TMEM63B: variants seen among roughly 807,000 people sequenced by gnomAD.
TMEM63B encodes the protein mechanosensitive cation channel TMEM63B.
A neutral mutation model predicts 102.6 loss-of-function variants in TMEM63B; 23 were observed. The ratio of observed to expected loss-of-function variants is 0.22; its 90% CI spans 0.16 to 0.32. The LOEUF (loss-of-function observed/expected upper bound fraction) is 0.32, where lower values mean the gene tolerates loss of function less well. TMEM63B is among the 10% of genes least tolerant of loss of function. The probability of loss-of-function intolerance (pLI) is 1.00; values close to 1 mark genes in which losing one functional copy is unlikely to be tolerated. For missense variants in TMEM63B, 628 were observed against 1,095.9 expected, an observed-to-expected ratio of 0.57 and a Z score of 6.03; for synonymous variants, 444 against 437.0, an observed-to-expected ratio of 1.02 and a Z score of -0.20.
chr6:44,140,923 C>A, intron 9 of TMEM63B, 105 bp from the exon 10 acceptor site: 1 of 966,372 alleles, frequency 1.0e-6, no homozygotes, highest in Non-Finnish European at 1.6e-6. Context: ...TACTTCTCTA[C>A]CCACTCAAAA....
At chr6:44,132,669 C>G (rs758142493) in intron 1 of TMEM63B, among the ~76,000 whole-genome samples, 2 of 152,272 alleles carry the variant, frequency 1.3e-5, no homozygotes, top group African/African-American at 4.8e-5. Context: ...TTCACACCCC[C>G]ACTTCGAAGC....
intron 10 of TMEM63B, among the ~76,000 whole-genome samples, chr6:44,144,252 G>T (rs547538742): frequency 6.6e-6 from 1 of 152,322 alleles, no homozygotes; most frequent in East Asian, 1.9e-4. Flanking sequence ...TCAGGATTAG[G>T]CAGGGCTTGT....
intron 1 of TMEM63B, among the ~76,000 whole-genome samples, chr6:44,128,471 C>T (rs1295427438): frequency 6.6e-6 from 1 of 152,238 alleles, no homozygotes; most frequent in Admixed American, 6.5e-5. Context: ...CCGCCTAAGG[C>T]GGACAGTCCC....
At chr6:44,128,996 A>T (rs940268617) in intron 1 of TMEM63B, among the ~76,000 whole-genome samples, 3 of 152,256 alleles carry the variant, frequency 2.0e-5, no homozygotes, top group African/African-American at 7.2e-5. Flanking sequence ...CAAGTATAGC[A>T]GAGTCTTAGA....
In TMEM63B at chr6:44,136,415, C is replaced by T. The variant is rs143570588; in HGVS notation, c.345C>T (p.Ser115=). 6.6e-5 allele frequency: 106 copies of T among 1,613,940 alleles called. No individual in the cohort carries two copies. Among genetic ancestry groups the T allele is most frequent in the African/African-American group, 3.1e-4 (23 of 74,920 alleles). Residue 115 remains serine, a synonymous_variant, in exon 5 of 24, where the codon TCC becomes TCT. Coordinates refer to ENST00000323267, the MANE Select transcript of TMEM63B (RefSeq NM_018426.3). ...RYERLTSVSS[S]VDFDQRDNGF... ...AGCGTCTCACCTCTGTCTCCAGCTC[C>T]GTTGACTTTGACCAAAGGGACAATG...
intron 10 of TMEM63B, among the ~76,000 whole-genome samples, chr6:44,145,446 GC>G (rs1349775541): frequency 3.3e-5 from 5 of 149,410 alleles, no homozygotes; most frequent in African/African-American, 1.2e-4. Flanking sequence ...AAAAAAATTA[GC>G]CGGGTGTGGT....
rs2128255976 is a variant in TMEM63B, at chr6:44,148,183, TGGGCTGGATGCTGCAGG to T, written c.988-68_988-52del. On this transcript the variant is annotated intron_variant, in intron 12 of 23. Coordinates refer to ENST00000323267, the MANE Select transcript of TMEM63B (RefSeq NM_018426.3). The surrounding 1 kb of genome is among the most constrained non-coding windows in gnomAD (Gnocchi z 5.1). Reference sequence around the variant, plus strand: ...GCTTGTAGGAAGCCCCAAGTCAGCGTGGGCTGGATGCTGCAGGCCCCAGCCTGGCTTTCCAACTAGAG... The same window carrying T: ...GCTTGTAGGAAGCCCCAAGTCAGCGTCCCCAGCCTGGCTTTCCAACTAGAG... The T allele has an allele frequency of 6.3e-7, 1 of 1,590,064 alleles. No homozygotes were observed. Among genetic ancestry groups the T allele is most frequent in the Admixed American group, 1.8e-5 (1 of 56,006 alleles).
rs1766928384 is a variant in TMEM63B, at chr6:44,152,510, G to C, written c.1837-83G>C. 9.8e-7 allele frequency: 1 copy of C among 1,019,364 alleles called. No individual in the cohort carries two copies. Among genetic ancestry groups the C allele is most frequent in the Admixed American group, 1.8e-5 (1 of 55,142 alleles). 63.1% of individuals were successfully genotyped at this position (1,019,364 alleles called of 1,614,324 possible). On this transcript the variant is annotated intron_variant, in intron 19 of 23. Coordinates refer to ENST00000323267, the MANE Select transcript of TMEM63B (RefSeq NM_018426.3). The surrounding 1 kb of genome is among the most constrained non-coding windows in gnomAD (Gnocchi z 6.4). ...TTCTTTTCCGGCCCCAGAGGTCCTG[G>C]CTCCCTTCCCCCTCCCTCCTTCCCT... is the stretch of plus-strand genomic sequence containing the variant.
At position 44,139,764 on chromosome 6, in the gene TMEM63B, G is replaced by C; in HGVS notation, c.602+5G>C. 5 of 1,614,200 alleles carry C rather than the reference G, an allele frequency of 3.1e-6. No homozygotes were observed. The highest frequency in any genetic ancestry group is 4.2e-6 in the Non-Finnish European group (5 of 1,180,044). On this transcript the variant is annotated splice_donor_5th_base_variant and intron_variant, in intron 8 of 23. Coordinates refer to ENST00000323267, the MANE Select transcript of TMEM63B (RefSeq NM_018426.3). The stretch of plus-strand genomic sequence containing the variant: ...CATTGCCAACTTGAAATCAGGGTAA[G>C]ATGCGAAGCTGGTCGGCCAGGCCAA...
intron 1 of TMEM63B, chr6:44,132,385 TGGA>T: frequency 1.1e-6 from 1 of 951,124 alleles, no homozygotes; most frequent in Non-Finnish European, 1.3e-6. Flanking sequence ...TTCTTTGGTG[TGGA>T]GAAGACAGGA....
chr6:44,144,673 T>C (rs1034287223), intron 10 of TMEM63B, among the ~76,000 whole-genome samples: 17 of 152,006 alleles, frequency 1.1e-4, no homozygotes, highest in African/African-American at 1.9e-4. Context: ...CATAGCTCAC[T>C]GCAGCCTTGA....
At chr6:44,139,318 C>G (rs897884106) in intron 6 of TMEM63B, 149 bp from the exon 7 acceptor site, 3 of 901,344 alleles carry the variant, frequency 3.3e-6, no homozygotes, top group Non-Finnish European at 3.4e-6. Context: ...AATAGGGGAC[C>G]AAGAAGTCCC....
At chr6:44,136,913 T>TGGGC (rs1763082537) in intron 5 of TMEM63B, among the ~76,000 whole-genome samples, 1 of 152,142 alleles carries the variant, frequency 6.6e-6, no homozygotes. Flanking sequence ...GGCGTGGTGG[T>TGGGC]GGGCGCCTGT....
rs1183211818 is a variant in TMEM63B, at chr6:44,136,392, C to T, written c.322C>T (p.Arg108Cys). Residue 108 changes from arginine (R) to cysteine (C), a missense_variant, in exon 5 of 24, where the codon CGT (arginine) becomes TGT (cysteine). Physicochemically the swap from Arg to Cys is radical, Grantham distance 180. Around this residue, in one of 6 missense-constraint regions of TMEM63B, gnomAD observed 336 missense variants for 580.3 expected, o/e 0.58. Transcript: ENST00000323267. ...CGGGGACAGCCATGACCGGTATGAG[C>T]GTCTCACCTCTGTCTCCAGCTCCGT... is the stretch of plus-strand genomic sequence containing the variant. Reference protein sequence around the residue: ...MHGDSHDRYERLTSVSSSVDF... With the variant: ...MHGDSHDRYECLTSVSSSVDF... The T allele has an allele frequency of 2.5e-6, 4 of 1,613,986 alleles. No individual in the cohort carries two copies. Among genetic ancestry groups the T allele is most frequent in the Admixed American group, 1.7e-5 (1 of 60,000 alleles).
chr6:44,132,644 C>T (rs1012436621), intron 1 of TMEM63B, among the ~76,000 whole-genome samples: 5 of 152,130 alleles, frequency 3.3e-5, no homozygotes, highest in African/African-American at 9.7e-5. Flanking sequence ...ACCCGGGCTC[C>T]CAGACACACC....
Position 44,146,883 on chromosome 6 carries a change from C to T in TMEM63B, c.819C>T (p.Arg273=). Residue 273 remains arginine (R), a synonymous_variant, in exon 11 of 24, where the codon CGC becomes CGT. Coordinates refer to ENST00000323267, the MANE Select transcript of TMEM63B (RefSeq NM_018426.3). ...AYPNCTVLEA[R]PCYNVARLMF... ...CCAACTGCACAGTTCTCGAAGCCCG[C>T]CCGTGTTACAACGTGGCTCGCCTAA... 6.2e-7 allele frequency: 1 copy of T among 1,614,050 alleles called. No homozygotes were observed. Among genetic ancestry groups the T allele is most frequent in the Non-Finnish European group, 8.5e-7 (1 of 1,179,978 alleles).
intron 1 of TMEM63B, among the ~76,000 whole-genome samples, chr6:44,128,120 T>C (rs1324099939): frequency 6.6e-6 from 1 of 151,974 alleles, no homozygotes; most frequent in Non-Finnish European, 1.5e-5. Context: ...GTCCGATGCC[T>C]TCTGTGCCTT....
rs114222762 is a variant in TMEM63B at position 44,149,335 on chromosome 6, G to A, written c.1413+390G>A. 2,143 of 347,862 alleles carry A rather than the reference G, an allele frequency of 6.2e-3. 36 individuals carry two copies. The highest frequency in any genetic ancestry group is 0.04 in the African/African-American group (1,927 of 47,732). The allele number at this position is 347,862 out of a possible 1,614,324, so 21.5% of individuals were successfully genotyped here. ...CAGTGTGGAAAAGCAGGGCTGCTCC[G>A]ATGACAGTAGGGTGGCATGCATGTC... On this transcript the variant is annotated intron_variant, in intron 15 of 23. Coordinates refer to ENST00000323267, the MANE Select transcript of TMEM63B (RefSeq NM_018426.3).
In TMEM63B at chr6:44,139,627, C is replaced by G. The variant is rs749362302; in HGVS notation, c.550+18C>G. 1 of 1,613,978 alleles carries G rather than the reference C, an allele frequency of 6.2e-7. No homozygotes were observed. The highest frequency in any genetic ancestry group is 8.5e-7 in the Non-Finnish European group (1 of 1,180,016). The stretch of plus-strand genomic sequence containing the variant: ...CCTGCTGGGTCAGTGAGGGCCAGGA[C>G]GGCTAGGGTGGAGAGAGGATGGGGC... On this transcript the variant is annotated intron_variant, in intron 7 of 23. Transcript: ENST00000323267.
Sources: gnomAD v4.1 joint callset for allele counts (sites outside exome capture counted in the v4.1 genomes callset) on GRCh38, gnomAD v4.1.1 for gene constraint, gnomAD v4.1.1 regional missense constraint, Gnocchi (gnomAD v3.1) non-coding constraint, MANE v1.5 for transcripts, NCBI Gene and HGNC (gene_info 2026-07-23, HGNC 2026-07-21) for gene names.